The following RPH3A variants were observed in gnomAD, a reference collection of about 807,000 sequenced individuals.
RPH3A encodes rabphilin-3A.
Under a neutral mutation model 102.2 loss-of-function variants are expected in RPH3A, and 48 were observed. That is an observed-to-expected ratio of 0.47 (90% confidence interval 0.37 to 0.60). The LOEUF is 0.60. RPH3A is among the 20% of genes least tolerant of loss of function. The probability of loss-of-function intolerance (pLI) is 0.00; values close to 1 mark genes in which losing one functional copy is unlikely to be tolerated. For synonymous variants in RPH3A, 310 were observed against 324.3 expected (o/e 0.96, Z 0.47); for missense variants, 781 against 910.1 (o/e 0.86, Z 1.83).
intron 1 of RPH3A, among the ~76,000 whole-genome samples, chr12:112,704,278 T>C (rs1216278174): frequency 6.6e-6 from 1 of 152,008 alleles, no homozygotes; most frequent in Admixed American, 6.6e-5. Context: ...TTAGTAGAGA[T>C]GGGGTTTCAC....
At chr12:112,724,998 C>G (rs781048109) in intron 1 of RPH3A, among the ~76,000 whole-genome samples, 4 of 148,026 alleles carry the variant, frequency 2.7e-5, no homozygotes, top group Admixed American at 6.7e-5. Flanking sequence ...CCTGTAATCC[C>G]GGCACTTTGG....
intron 1 of RPH3A, among the ~76,000 whole-genome samples, chr12:112,665,979 GC>G (rs1335955291): frequency 6.6e-6 from 1 of 152,148 alleles, no homozygotes; most frequent in Non-Finnish European, 1.5e-5. Flanking sequence ...TATTTCAAAG[GC>G]ACAAAGCCAC....
intron 1 of RPH3A, among the ~76,000 whole-genome samples, chr12:112,652,189 C>T (rs1189088575): frequency 6.6e-6 from 1 of 152,014 alleles, no homozygotes; most frequent in Non-Finnish European, 1.5e-5. Flanking sequence ...TTAAAAAAAT[C>T]TAGAGCCAGG....
At chr12:112,605,857 T>C (rs2039592311) in intron 1 of RPH3A, among the ~76,000 whole-genome samples, 1 of 152,260 alleles carries the variant, frequency 6.6e-6, no homozygotes, top group Non-Finnish European at 1.5e-5. Flanking sequence ...GTGGGTTTTA[T>C]AACATTTTGG....
intron 1 of RPH3A, among the ~76,000 whole-genome samples, chr12:112,671,869 C>T (rs2040133333): frequency 6.6e-6 from 1 of 150,862 alleles, no homozygotes; most frequent in South Asian, 2.1e-4. Flanking sequence ...ATCTATCTAT[C>T]TACACACACA....
chr12:112,828,076 A>T (rs1191506854), intron 2 of RPH3A, among the ~76,000 whole-genome samples: 2 of 152,084 alleles, frequency 1.3e-5, no homozygotes, highest in Admixed American at 1.3e-4. Flanking sequence ...GATTTAGGTG[A>T]GGGGGTTCTT....
intron 3 of RPH3A, among the ~76,000 whole-genome samples, chr12:112,836,072 C>T (rs1036161547): frequency 6.6e-6 from 1 of 152,186 alleles, no homozygotes; most frequent in Admixed American, 6.5e-5. Flanking sequence ...AACTTGCCTC[C>T]CCAAACTGGG....
At chr12:112,715,477 T>C (rs2040507026) in intron 1 of RPH3A, among the ~76,000 whole-genome samples, 1 of 152,220 alleles carries the variant, frequency 6.6e-6, no homozygotes, top group African/African-American at 2.4e-5. Context: ...CTCACTGTTT[T>C]CTTCTTTATA....
At chr12:112,654,778 C>T (rs1008804569) in intron 1 of RPH3A, among the ~76,000 whole-genome samples, 2 of 152,180 alleles carry the variant, frequency 1.3e-5, no homozygotes, top group Non-Finnish European at 2.9e-5. Flanking sequence ...TTACAAGCTG[C>T]TGTAACTCCT....
At chr12:112,593,910 T>G (rs1000840615) in intron 1 of RPH3A, among the ~76,000 whole-genome samples, 1 of 152,212 alleles carries the variant, frequency 6.6e-6, no homozygotes, top group African/African-American at 2.4e-5. Context: ...TGTTATATGC[T>G]CCCCTAACTC....
intron 1 of RPH3A, among the ~76,000 whole-genome samples, chr12:112,714,545 C>T (rs776996042): frequency 9.9e-5 from 15 of 152,160 alleles, no homozygotes; most frequent in Non-Finnish European, 1.8e-4. Context: ...ATATTATTTG[C>T]ATATTGCTGA....
intron 1 of RPH3A, among the ~76,000 whole-genome samples, chr12:112,678,283 AAGAAAGAAAGAAAGAAAGAAAGAG>A (rs1566255185): frequency 1.5e-4 from 7 of 46,886 alleles, no homozygotes; most frequent in East Asian, 1.2e-3. Flanking sequence ...GAAAGAAAGA[AAGAAAGAAAGAAAGAAAGAAAGAG>A]AGAGAGAGAG....
chr12:112,694,635 C>T (rs967395205), intron 1 of RPH3A, among the ~76,000 whole-genome samples: 1 of 107,398 alleles, frequency 9.3e-6, no homozygotes, highest in Non-Finnish European at 1.7e-5. Context: ...CACACGCACG[C>T]GCGCGCGCGC....
intron 1 of RPH3A, among the ~76,000 whole-genome samples, chr12:112,726,548 G>T (rs1181284964): frequency 6.6e-6 from 1 of 152,080 alleles, no homozygotes; most frequent in Admixed American, 6.6e-5. Flanking sequence ...CCAACAAAAA[G>T]CAGAAATAAT....
At chr12:112,811,800 T>A (rs2136122298) in intron 2 of RPH3A, among the ~76,000 whole-genome samples, 1 of 152,326 alleles carries the variant, frequency 6.6e-6, no homozygotes, top group Non-Finnish European at 1.5e-5. Flanking sequence ...TCATCATGAC[T>A]ATATTGATTG....
chr12:112,703,858 C>T (rs191799162), intron 1 of RPH3A, among the ~76,000 whole-genome samples: 3 of 152,318 alleles, frequency 2.0e-5, no homozygotes, highest in Admixed American at 2.0e-4. Flanking sequence ...ACTATTAAAC[C>T]TCATTCTCTG....
chr12:112,715,931 G>A (rs2040510663), intron 1 of RPH3A, among the ~76,000 whole-genome samples: 1 of 152,194 alleles, frequency 6.6e-6, no homozygotes, highest in Non-Finnish European at 1.5e-5. Context: ...CGTTTTCCAG[G>A]AAAGGGGTGG....
chr12:112,735,543 G>A (rs562965439), intron 1 of RPH3A, among the ~76,000 whole-genome samples: 23 of 152,330 alleles, frequency 1.5e-4, no homozygotes, highest in African/African-American at 5.1e-4. Flanking sequence ...TTAAGATTTC[G>A]GAGGGAGGAC....
rs1473932467 is a variant in RPH3A at position 112,885,817 on chromosome 12, T to C, written c.1437-1980T>C. On this transcript the variant is annotated intron_variant, in intron 16 of 21. Transcript: ENST00000389385. ...TGTACAATTAAATTATTATGGACTA[T>C]AGTCACCCTGTTGTGCTATCAAATA... Among the ~76,000 whole-genome samples, 4 of 152,210 alleles carry C rather than the reference T, an allele frequency of 2.6e-5. No individual in the cohort carries two copies. The East Asian group carries it at 5.8e-4, about 22-fold the overall frequency.
Sources: gnomAD v4.1 joint callset for allele counts (sites outside exome capture counted in the v4.1 genomes callset) on GRCh38, gnomAD v4.1.1 for gene constraint, MANE v1.5 for transcripts, NCBI Gene and HGNC (gene_info 2026-07-23, HGNC 2026-07-21) for gene names.